PPARGC1A: variants seen among roughly 807,000 people sequenced by gnomAD.
PPARGC1A encodes the protein peroxisome proliferator-activated receptor gamma coactivator 1-alpha.
A neutral mutation model predicts 88.7 loss-of-function variants in PPARGC1A; 25 were observed. That is an observed-to-expected ratio of 0.28 (90% confidence interval 0.21 to 0.39). The LOEUF (loss-of-function observed/expected upper bound fraction) is 0.39, where lower values mean the gene tolerates loss of function less well. Among genes scored for constraint, PPARGC1A ranks in the 10% least tolerant of loss-of-function variants. The pLI, the probability that PPARGC1A is intolerant of heterozygous loss-of-function variation, is 1.00. For missense variants in PPARGC1A, 880 were observed against 968.7 expected (o/e 0.91, Z 1.22); for synonymous variants, 363 against 355.6 (o/e 1.02, Z -0.24).
chr4:23,916,399 C>G, the PPARGC1A span, among the ~76,000 whole-genome samples: 24 of 152,316 alleles, frequency 1.6e-4, no homozygotes, highest in Admixed American at 2.0e-4. Context: ...AAATCCCCTA[C>G]ATCCTAGCAA....
chr4:24,186,265 G>A, the PPARGC1A span, among the ~76,000 whole-genome samples: 1 of 152,102 alleles, frequency 6.6e-6, no homozygotes, highest in Non-Finnish European at 1.5e-5. Context: ...AATGTCTCAG[G>A]ATGCAAAGAG....
At chr4:24,109,298 T>TACACACACACACACACAC in the PPARGC1A span, among the ~76,000 whole-genome samples, 3 of 131,800 alleles carry the variant, frequency 2.3e-5, no homozygotes, top group African/African-American at 8.6e-5. Context: ...CATTTCATTA[T>TACACACACACACACACAC]ACACACACAC....
At chr4:24,104,190 C>T in the PPARGC1A span, among the ~76,000 whole-genome samples, 2 of 152,218 alleles carry the variant, frequency 1.3e-5, no homozygotes, top group Non-Finnish European at 2.9e-5. Flanking sequence ...GCAGCAAAAG[C>T]TCCTTAACAG....
At chr4:23,816,397 C>G (rs1232530056) in intron 7 of PPARGC1A, among the ~76,000 whole-genome samples, 5 of 152,198 alleles carry the variant, frequency 3.3e-5, no homozygotes, top group Non-Finnish European at 7.3e-5. Flanking sequence ...ATGTCTTTTA[C>G]TCAACCTAAT....
the PPARGC1A span, among the ~76,000 whole-genome samples, chr4:24,313,595 A>C: frequency 6.6e-6 from 1 of 152,194 alleles, no homozygotes; most frequent in Non-Finnish European, 1.5e-5. Flanking sequence ...GTATATTACA[A>C]CCCAACAGAC....
chr4:24,435,955 C>G, the PPARGC1A span, among the ~76,000 whole-genome samples: 1 of 152,196 alleles, frequency 6.6e-6, no homozygotes, highest in South Asian at 2.1e-4. Context: ...TGTGAAATGT[C>G]CTAGCCCCTG....
chr4:23,798,729 G>A (rs59174375), intron 12 of PPARGC1A, among the ~76,000 whole-genome samples: 195 of 150,626 alleles, frequency 1.3e-3, no homozygotes, highest in Admixed American at 2.3e-3. Context: ...ATTTTTTTTC[G>A]TTGAGGTCTT....
chr4:24,280,442 C>A, the PPARGC1A span, among the ~76,000 whole-genome samples: 5 of 152,078 alleles, frequency 3.3e-5, no homozygotes, highest in African/African-American at 1.2e-4. Context: ...TTAGGTGTGT[C>A]TCTGCTCTCC....
At position 23,812,951 on chromosome 4, in the gene PPARGC1A, T is replaced by C. The variant is rs55850439; in HGVS notation, c.1898+70A>G. On this transcript the variant is annotated intron_variant, in intron 9 of 12. Coordinates refer to ENST00000264867, the MANE Select transcript of PPARGC1A (RefSeq NM_013261.5). Reference sequence around the variant, plus strand: ...TAATAATATGGGGAGGGGTATAGGGTTTTGGAGAACATCTTGTCATCTCAA... The same window carrying C: ...TAATAATATGGGGAGGGGTATAGGGCTTTGGAGAACATCTTGTCATCTCAA... The C allele has an allele frequency of 1.7e-3, 2,758 of 1,612,162 alleles. 35 individuals carry two copies. The African/African-American group carries it at 0.026, about 15-fold the overall frequency.
the PPARGC1A span, among the ~76,000 whole-genome samples, chr4:24,259,336 G>C: frequency 6.6e-6 from 1 of 152,026 alleles, no homozygotes; most frequent in Admixed American, 6.6e-5. Context: ...CCCACCTCAG[G>C]AACTTTTTGC....
the PPARGC1A span, among the ~76,000 whole-genome samples, chr4:24,119,535 C>T: frequency 6.6e-6 from 1 of 152,238 alleles, no homozygotes; most frequent in East Asian, 1.9e-4. Flanking sequence ...TCCTCATTTG[C>T]ACCTCATTAT....
At chr4:23,999,535 T>C in the PPARGC1A span, among the ~76,000 whole-genome samples, 1 of 152,150 alleles carries the variant, frequency 6.6e-6, no homozygotes, top group East Asian at 1.9e-4. Flanking sequence ...GTTGTTGTTT[T>C]AAGGGAAATA....
the PPARGC1A span, among the ~76,000 whole-genome samples, chr4:24,467,516 C>T: frequency 4.6e-5 from 7 of 152,162 alleles, no homozygotes; most frequent in African/African-American, 1.4e-4. Context: ...AACATTGTCA[C>T]CACTTTAAGA....
At chr4:24,396,394 G>A in the PPARGC1A span, among the ~76,000 whole-genome samples, 2 of 152,246 alleles carry the variant, frequency 1.3e-5, no homozygotes, top group East Asian at 3.9e-4. Flanking sequence ...TCTAAGAGAA[G>A]GTCTCTAAGA....
the PPARGC1A span, among the ~76,000 whole-genome samples, chr4:23,913,275 G>T: frequency 0.11 from 7,799 of 70,412 alleles, 204 homozygotes; most frequent in East Asian, 0.22. Context: ...TATAGAGAGA[G>T]AGAGAGAGAG....
the PPARGC1A span, among the ~76,000 whole-genome samples, chr4:23,987,677 T>C: frequency 1.3e-5 from 2 of 152,018 alleles, no homozygotes. Context: ...TTCTAAGTTA[T>C]GTTACCTCCG....
the PPARGC1A span, among the ~76,000 whole-genome samples, chr4:24,394,848 A>G: frequency 4.1e-3 from 632 of 152,326 alleles, 15 homozygotes; most frequent in Admixed American, 0.032. Context: ...AATGTGGGGG[A>G]AAAAATGCTT....
At chr4:24,054,326 A>C in the PPARGC1A span, among the ~76,000 whole-genome samples, 35 of 150,066 alleles carry the variant, frequency 2.3e-4, no homozygotes, top group Non-Finnish European at 2.8e-4. Flanking sequence ...AAAAAAAAAA[A>C]CACTATATTT....
At chr4:23,883,541 T>C (rs1023954497) in intron 2 of PPARGC1A, 3 of 152,218 alleles carry the variant, frequency 2.0e-5, no homozygotes, top group African/African-American at 7.2e-5. Flanking sequence ...GTCAACTGTG[T>C]GATTTGGGGA....
Sources: allele counts gnomAD v4.1 joint callset (sites outside exome capture counted in the v4.1 genomes callset), GRCh38; gene constraint gnomAD v4.1.1; transcripts MANE v1.5; gene names NCBI Gene and HGNC (gene_info 2026-07-23, HGNC 2026-07-21).